BCLAF3: variants seen among roughly 807,000 people sequenced by gnomAD.
BCLAF3 encodes the protein BCLAF1 and THRAP3 family member 3.
Under a neutral mutation model 51.2 loss-of-function variants are expected in BCLAF3, and 24 were observed. That is an observed-to-expected ratio of 0.47 (90% CI 0.34 to 0.66). The LOEUF is 0.66. BCLAF3 is among the 30% of genes least tolerant of loss of function. The pLI is 0.01. For synonymous variants in BCLAF3, 152 were observed against 176.6 expected (o/e 0.86, Z 1.10); for missense variants, 465 against 525.1 (o/e 0.89, Z 1.12).
At chrX:19,985,174 T>C (rs1177819656) in intron 1 of BCLAF3, 1 of 112,113 alleles carries the variant, frequency 8.9e-6, no homozygotes, top group Non-Finnish European at 1.9e-5. Context: ...AATCCAATTT[T>C]ATAGCATGCA....
At chrX:19,949,365 T>G (rs2071403433) in intron 8 of BCLAF3, among the ~76,000 whole-genome samples, 1 of 112,377 alleles carries the variant, frequency 8.9e-6, no homozygotes, top group South Asian at 3.7e-4. Context: ...CAGGTCCAAC[T>G]CCAGTGCTCA....
chrX:19,941,359 T>C lies in BCLAF3; in HGVS notation c.1746-3827A>G, dbSNP rs1253078927. The stretch of plus-strand genomic sequence containing the variant: ...AAAGTCCTTGCCCATGCCTATGTCC[T>C]GAATGGTAATGCCTAGGTTATCTTC... On this transcript the variant is annotated intron_variant, in intron 8 of 11. Transcript: ENST00000379682. 3.8e-3 allele frequency among the ~76,000 whole-genome samples: 394 copies of C among 104,969 alleles called. 2 individuals carry two copies. The highest frequency in any genetic ancestry group is 0.014 in the African/African-American group (367 of 26,365). 91.2% of individuals were successfully genotyped at this position (104,969 alleles called of 115,157 possible).
chrX:19,919,357 C>T (rs2070048771), intron 11 of BCLAF3, among the ~76,000 whole-genome samples: 1 of 108,814 alleles, frequency 9.2e-6, no homozygotes, highest in Admixed American at 9.8e-5. Context: ...CCAGCCTGGC[C>T]AACATGGTGA....
chrX:19,918,534 CTTTTTTTTTTTTTT>C lies in BCLAF3; in HGVS notation c.2107-1214_2107-1201del, dbSNP rs749600263. The stretch of plus-strand genomic sequence containing the variant: ...GATTTAAAAGCCCCCCCAACCCGGC[CTTTTTTTTTTTTTT>C]TTTTTTTTTTTTTTGAGATGGAGTC... On this transcript the variant is annotated intron_variant, in intron 11 of 11. Transcript: ENST00000379682. Among the ~76,000 whole-genome samples the C allele has an allele frequency of 3.5e-3, 193 of 55,200 alleles. 1 individual carries two copies. The highest frequency in any genetic ancestry group is 0.021 in the African/African-American group (189 of 8,805). The allele number at this position is 55,200 out of a possible 115,157, so 47.9% of individuals were successfully genotyped here. A position where few individuals can be genotyped will look rare whatever the true frequency, so the allele number is the denominator to read the frequency against.
At chrX:19,927,175 C>T (rs954405154) in intron 11 of BCLAF3, among the ~76,000 whole-genome samples, 34 of 110,244 alleles carry the variant, frequency 3.1e-4, no homozygotes, top group African/African-American at 9.9e-4. Flanking sequence ...TGCAGTGAGC[C>T]GAGATGGTGC....
At chrX:19,990,290 T>C (rs1052190149) in intron 1 of BCLAF3, among the ~76,000 whole-genome samples, 1 of 112,687 alleles carries the variant, frequency 8.9e-6, no homozygotes, top group Non-Finnish European at 1.9e-5. Context: ...TGGCCCAGTT[T>C]CCCAATACAA....
intron 4 of BCLAF3, among the ~76,000 whole-genome samples, chrX:19,961,290 A>G (rs2071848255): frequency 8.9e-6 from 1 of 112,645 alleles, no homozygotes; most frequent in African/African-American, 3.2e-5. Context: ...TTTCTGACAG[A>G]GTGGATCATT....
At chrX:19,961,158 T>C (rs1257418541) in intron 4 of BCLAF3, among the ~76,000 whole-genome samples, 2 of 112,490 alleles carry the variant, frequency 1.8e-5, no homozygotes, top group African/African-American at 6.5e-5. Flanking sequence ...TCCAGATGCA[T>C]ATATACAACA....
chrX:19,954,542 G>A lies in BCLAF3; in HGVS notation c.1451-650C>T, dbSNP rs188286377. ...TTTTCTGCAAATCAGCTCCATTTCTGCCAAGAATCACATTTCCTTTGGGTG... is the reference window on the plus strand; with the variant it reads ...TTTTCTGCAAATCAGCTCCATTTCTACCAAGAATCACATTTCCTTTGGGTG... On this transcript the variant is annotated intron_variant, in intron 5 of 11. Transcript: ENST00000379682. Among the ~76,000 whole-genome samples, 4 of 112,024 alleles carry A rather than the reference G, an allele frequency of 3.6e-5. No individual in the cohort carries two copies. The East Asian group carries it at 1.1e-3, about 31-fold the overall frequency.
intron 11 of BCLAF3, 43 bp downstream of exon 11, chrX:19,929,742 T>C: frequency 8.8e-7 from 1 of 1,139,707 alleles, no homozygotes; most frequent in Non-Finnish European, 1.2e-6. Flanking sequence ...TCTAGGAGTT[T>C]AAAAGTCACT....
rs1220132251 is a variant in BCLAF3 at position 19,987,351 on chromosome X, C to A, written c.-35+3557G>T. Among the ~76,000 whole-genome samples, 3 of 112,369 alleles carry A rather than the reference C, an allele frequency of 2.7e-5. No individual in the cohort carries two copies. The East Asian group carries it at 8.3e-4, about 31-fold the overall frequency. On this transcript the variant is annotated intron_variant, in intron 1 of 11. Transcript: ENST00000379682. ...ACAGAGTCTTGCTCTGTCACCCAGG[C>A]TGGAGTGCAGTGGCACGATCTCGAC...
In BCLAF3 at chrX:19,966,252, C is replaced by T; in HGVS notation, c.439G>A (p.Gly147Arg). ...GHSPDDHRVR[G>R]SGKGGKPPQR... is the part of the protein sequence containing the mutation. ...GGTGGTTTCCCTCCTTTTCCACTTC[C>T]TCTAACTCTGTGGTCATCAGGACTA... Residue 147 changes from glycine to arginine, a missense_variant, in exon 3 of 12, where the codon GGA becomes AGA. Gly to Arg is a moderately radical substitution (Grantham distance 125). Transcript: ENST00000379682. The T allele has an allele frequency of 1.7e-6, 2 of 1,211,535 alleles. No individual in the cohort carries two copies. The highest frequency in any genetic ancestry group is 2.2e-6 in the Non-Finnish European group (2 of 895,479).
At position 19,953,979 on chromosome X, in the gene BCLAF3, T is replaced by A. The variant is rs2071579445; in HGVS notation, c.1451-87A>T. The A allele has an allele frequency of 4.6e-6, 5 of 1,076,744 alleles. No homozygotes were observed. The Admixed American group carries it at 1.6e-4, about 34-fold the overall frequency. 88.7% of individuals were successfully genotyped at this position (1,076,744 alleles called of 1,213,427 possible). A position where few individuals can be genotyped will look rare whatever the true frequency, so the allele number is the denominator to read the frequency against. ...TATAAGCACAGAAAGAAGGGATTAT[T>A]TTTTAAAATTCAACCTGTTTTCTCT... is the stretch of plus-strand genomic sequence containing the variant. On this transcript the variant is annotated intron_variant, in intron 5 of 11. Coordinates refer to ENST00000379682, the MANE Select transcript of BCLAF3 (RefSeq NM_001367774.2).
chrX:19,990,666 G>A (rs2072909292), intron 1 of BCLAF3, among the ~76,000 whole-genome samples: 1 of 113,279 alleles, frequency 8.8e-6, no homozygotes, highest in Admixed American at 9.2e-5. Flanking sequence ...CCTGTCGAGG[G>A]ACCTCAGGGG....
At position 19,913,613 on chromosome X, in the gene BCLAF3, G is replaced by A. The variant is rs1162387434; in HGVS notation, c.*3692C>T. 8.9e-6 allele frequency: 1 copy of A among 111,927 alleles called. No homozygotes were observed. 9.2% of individuals were successfully genotyped at this position (111,927 alleles called of 1,213,427 possible). ...TTCAGGAGGTCTGGGGTGGGGCCAAGAATCTGCATTTTTAACAAGTTCTCA... is the reference window on the plus strand; with the variant it reads ...TTCAGGAGGTCTGGGGTGGGGCCAAAAATCTGCATTTTTAACAAGTTCTCA... On this transcript the variant is annotated 3_prime_UTR_variant, in exon 12 of 12. Transcript: ENST00000379682.
At chrX:19,920,599 C>T (rs1269265292) in intron 11 of BCLAF3, among the ~76,000 whole-genome samples, 3 of 111,099 alleles carry the variant, frequency 2.7e-5, no homozygotes, top group Non-Finnish European at 3.8e-5. Flanking sequence ...GTGGGTGGAT[C>T]GCTTGAGCCC....
intron 10 of BCLAF3, chrX:19,935,252 G>A (rs1328466640): frequency 9.0e-6 from 1 of 111,133 alleles, no homozygotes; most frequent in African/African-American, 3.3e-5. Flanking sequence ...GGGGGATGAG[G>A]TGTTCTGGAT....
At chrX:19,948,480 G>A (rs190731670) in intron 8 of BCLAF3, among the ~76,000 whole-genome samples, 2 of 111,590 alleles carry the variant, frequency 1.8e-5, no homozygotes, top group South Asian at 3.8e-4. Flanking sequence ...TATATGAAAT[G>A]TCAGGCCAGT....
chrX:19,966,779 G>T, intron 2 of BCLAF3, 130 bp from the exon 3 acceptor site: 1 of 515,758 alleles, frequency 1.9e-6, no homozygotes, highest in Non-Finnish European at 3.1e-6. Flanking sequence ...TCATCAATTT[G>T]CTACATCTGC....
Sources: allele counts gnomAD v4.1 joint callset (sites outside exome capture counted in the v4.1 genomes callset), GRCh38; gene constraint gnomAD v4.1.1; transcripts MANE v1.5; gene names NCBI Gene and HGNC (gene_info 2026-07-23, HGNC 2026-07-21).